SCML4: variants seen among roughly 807,000 people sequenced by gnomAD.
SCML4 encodes the protein Scm polycomb group protein like 4.
Under a neutral mutation model 41.1 loss-of-function variants are expected in SCML4, and 34 were observed. The ratio of observed to expected loss-of-function variants is 0.83; its 90% CI spans 0.63 to 1.10. SCML4 has a LOEUF of 1.10. SCML4 is among the 50% of genes least tolerant of loss of function. The pLI, the probability that SCML4 is intolerant of heterozygous loss-of-function variation, is 0.00. For synonymous variants in SCML4, 214 were observed against 220.9 expected, an observed-to-expected ratio of 0.97 and a Z score of 0.28; for missense variants, 522 against 534.1, an observed-to-expected ratio of 0.98 and a Z score of 0.22.
At chr6:107,744,800 A>G (rs951164424) in intron 5 of SCML4, 149 bp downstream of exon 5, 3 of 653,216 alleles carry the variant, frequency 4.6e-6, no homozygotes, top group African/African-American at 1.9e-5. Flanking sequence ...GCCAGCTACA[A>G]ATATTTCCCA....
At chr6:107,749,584 T>C (rs1368217738) in intron 3 of SCML4, 100 bp downstream of exon 3, 8 of 1,429,782 alleles carry the variant, frequency 5.6e-6, no homozygotes, top group Non-Finnish European at 6.8e-6. Context: ...ATTTGAGCCA[T>C]CTCAGCAACA....
chr6:107,742,348 C>T (rs912719983), intron 5 of SCML4, among the ~76,000 whole-genome samples: 1 of 152,074 alleles, frequency 6.6e-6, no homozygotes, highest in African/African-American at 2.4e-5. Context: ...AGGAGTCAAG[C>T]AAGAACAAGG....
chr6:107,835,886 T>C, the SCML4 span, among the ~76,000 whole-genome samples: 12 of 151,632 alleles, frequency 7.9e-5, no homozygotes, highest in Non-Finnish European at 1.6e-4. Flanking sequence ...CAAGGATCAA[T>C]ACAGGAGATG....
rs1037826100 is a variant in SCML4, at chr6:107,703,657, GC to G, written c.*1542del. Among the ~76,000 whole-genome samples, 2 of 152,152 alleles carry G rather than the reference GC, an allele frequency of 1.3e-5. No homozygotes were observed. The highest frequency in any genetic ancestry group is 2.1e-4 in the South Asian group (1 of 4,820). ...GCTGATCAAGCGGTGAGGAGGTTGA[GC>G]CCCCACCCTGCTCCACTTGCCAGCT... On this transcript the variant is annotated 3_prime_UTR_variant, in exon 8 of 8. Coordinates refer to ENST00000369020, the MANE Select transcript of SCML4 (RefSeq NM_198081.5).
In SCML4 at chr6:107,820,309, C is replaced by G. The variant is rs1784852355; in HGVS notation, c.-60+3817G>C. 2.0e-5 allele frequency among the ~76,000 whole-genome samples: 3 copies of G among 152,176 alleles called. No individual in the cohort carries two copies. In the South Asian group the frequency reaches 6.2e-4, roughly 32 times the overall value. On this transcript the variant is annotated intron_variant, in intron 1 of 7. Coordinates refer to ENST00000369020, the MANE Select transcript of SCML4 (RefSeq NM_198081.5). ...CACCACTTGCCCTCCAGATGCTATA[C>G]CCAAATAGCAGTGTCCCTCCTGAGG...
At chr6:107,778,487 A>G (rs550178966) in intron 1 of SCML4, among the ~76,000 whole-genome samples, 13 of 151,958 alleles carry the variant, frequency 8.6e-5, no homozygotes, top group African/African-American at 2.9e-4. Context: ...CAGTTGTCAA[A>G]TCGTGGCCTG....
intron 5 of SCML4, among the ~76,000 whole-genome samples, chr6:107,736,105 C>A (rs3950724): frequency 9.0e-4 from 137 of 152,258 alleles, no homozygotes; most frequent in Non-Finnish European, 1.7e-3. Flanking sequence ...GCTGTGCCTG[C>A]CCCGTGGTTG....
chr6:107,777,973 C>T (rs1428177208), intron 1 of SCML4, among the ~76,000 whole-genome samples: 4 of 151,566 alleles, frequency 2.6e-5, no homozygotes, highest in South Asian at 2.1e-4. Context: ...CCAGCACTTT[C>T]GGAGGCTGAG....
intron 1 of SCML4, among the ~76,000 whole-genome samples, chr6:107,806,191 C>CG (rs1159626217): frequency 4.4e-5 from 1 of 22,984 alleles, no homozygotes; most frequent in Non-Finnish European, 1.2e-3. Flanking sequence ...AGATTTCCCC[C>CG]CCCCCAATAA....
In SCML4 at chr6:107,749,143, C is replaced by T. The variant is rs118061392; in HGVS notation, c.286+541G>A. Among the ~76,000 whole-genome samples, 779 of 151,726 alleles carry T rather than the reference C, an allele frequency of 5.1e-3. 12 individuals are homozygous for T. The East Asian group carries it at 0.063, about 12-fold the overall frequency. On this transcript the variant is annotated intron_variant, in intron 3 of 7. Transcript: ENST00000369020. Reference sequence around the variant, plus strand: ...GTGCGCGTGTGTGTGTGTGCATGTGCGTGTGTGTGAGAGAGAGATACCATC... The same window carrying T: ...GTGCGCGTGTGTGTGTGTGCATGTGTGTGTGTGTGAGAGAGAGATACCATC...
At chr6:107,813,537 T>C (rs1583659639) in intron 1 of SCML4, among the ~76,000 whole-genome samples, 1 of 151,046 alleles carries the variant, frequency 6.6e-6, no homozygotes, top group South Asian at 2.1e-4. Context: ...TACAGAATGG[T>C]CATGGAACAA....
At chr6:107,805,089 G>A (rs1309749860) in intron 1 of SCML4, among the ~76,000 whole-genome samples, 2 of 152,138 alleles carry the variant, frequency 1.3e-5, no homozygotes, top group Non-Finnish European at 2.9e-5. Context: ...TTGCAGGTGA[G>A]GAAAAAATGG....
At chr6:107,794,199 G>T (rs1012081908) in intron 1 of SCML4, among the ~76,000 whole-genome samples, 1 of 152,206 alleles carries the variant, frequency 6.6e-6, no homozygotes, top group African/African-American at 2.4e-5. Flanking sequence ...GTGCTCAATA[G>T]ATGCTTATTG....
chr6:107,739,622 G>A lies in SCML4; in HGVS notation c.682+5327C>T, dbSNP rs147984728. On this transcript the variant is annotated intron_variant, in intron 5 of 7. Transcript: ENST00000369020. ...TACAATCCTGTTCGGGAACAATGTG[G>A]TCCTATGGATGTATGGAGCCTCAAA... is the stretch of plus-strand genomic sequence containing the variant. Among the ~76,000 whole-genome samples, 152 of 152,174 alleles carry A rather than the reference G, an allele frequency of 1.0e-3. 1 individual carries two copies. Among genetic ancestry groups the A allele is most frequent in the African/African-American group, 3.4e-3 (143 of 41,516 alleles).
intron 6 of SCML4, among the ~76,000 whole-genome samples, chr6:107,708,753 C>T (rs1371938406): frequency 1.3e-5 from 2 of 152,198 alleles, no homozygotes; most frequent in Non-Finnish European, 2.9e-5. Flanking sequence ...ATAGCTGCTT[C>T]CTGGGAAATG....
intron 1 of SCML4, among the ~76,000 whole-genome samples, chr6:107,800,027 G>A (rs187558534): frequency 1.3e-3 from 187 of 143,910 alleles, no homozygotes; most frequent in Non-Finnish European, 1.9e-3. Flanking sequence ...TTGTTTTGTT[G>A]TTTTGAGATG....
chr6:107,707,394 A>G (rs951370841), intron 7 of SCML4, among the ~76,000 whole-genome samples: 1 of 152,144 alleles, frequency 6.6e-6, no homozygotes, highest in Non-Finnish European at 1.5e-5. Context: ...TACCATCTCT[A>G]TATTTTAGCA....
chr6:107,839,390 AAAGAAAGAAAGAAAGAAAG>A, the SCML4 span, among the ~76,000 whole-genome samples: 1 of 147,516 alleles, frequency 6.8e-6, no homozygotes, highest in African/African-American at 2.6e-5. Flanking sequence ...AGAAAGAAAG[AAAGAAAGAAAGAAAGAAAG>A]AGGAAGAAGA....
At chr6:107,802,084 A>C (rs1463234105) in intron 1 of SCML4, among the ~76,000 whole-genome samples, 1 of 151,946 alleles carries the variant, frequency 6.6e-6, no homozygotes, top group Admixed American at 6.6e-5. Context: ...TCATTTCTTT[A>C]CTCAACAAAT....
Sources: allele counts gnomAD v4.1 joint callset (sites outside exome capture counted in the v4.1 genomes callset), GRCh38; gene constraint gnomAD v4.1.1; transcripts MANE v1.5; gene names NCBI Gene and HGNC (gene_info 2026-07-23, HGNC 2026-07-21).